Variants in BLM observed in about 807,000 individuals in gnomAD.
BLM encodes BLM RecQ like helicase.
In BLM, 95 loss-of-function variants were observed where a neutral mutation model predicts 135.3. That is an observed-to-expected ratio of 0.70 (90% CI 0.59 to 0.83). The LOEUF is 0.83. Among genes scored for constraint, BLM ranks in the 40% least tolerant of loss-of-function variants. The pLI, the probability that BLM is intolerant of heterozygous loss-of-function variation, is 0.00. For missense variants in BLM, 1,518 were observed against 1,663.9 expected, an observed-to-expected ratio of 0.91 and a Z score of 1.53; for synonymous variants, 520 against 589.2, an observed-to-expected ratio of 0.88 and a Z score of 1.70.
intron 12 of BLM, 120 bp downstream of exon 12, chr15:90,769,706 C>A: frequency 1.6e-6 from 2 of 1,250,648 alleles, no homozygotes; most frequent in Non-Finnish European, 2.3e-6. Context: ...CACCCCCATG[C>A]CCAAGTTGTA....
intron 21 of BLM, among the ~76,000 whole-genome samples, chr15:90,812,726 A>AG (rs1448622645): frequency 6.6e-6 from 1 of 152,232 alleles, no homozygotes; most frequent in Non-Finnish European, 1.5e-5. Context: ...GTAATAAAAA[A>AG]CAAGAACTGA....
In BLM at chr15:90,803,505, T is replaced by C; in HGVS notation, c.3359-16T>C. The C allele has an allele frequency of 6.2e-7, 1 of 1,606,498 alleles. No individual in the cohort carries two copies. The highest frequency in any genetic ancestry group is 8.5e-7 in the Non-Finnish European group (1 of 1,173,170). Reference sequence around the variant, plus strand: ...ACGTACATTTACTCATCTTACTTCCTGTATCTTCTTATCAGGGAGTAAGAG... The same window carrying C: ...ACGTACATTTACTCATCTTACTTCCCGTATCTTCTTATCAGGGAGTAAGAG... On this transcript the variant is annotated splice_polypyrimidine_tract_variant and intron_variant, in intron 17 of 21. Transcript: ENST00000355112.
intron 12 of BLM, among the ~76,000 whole-genome samples, chr15:90,774,066 C>CTTTT (rs61323062): frequency 1.2e-4 from 9 of 76,896 alleles, no homozygotes; most frequent in African/African-American, 1.8e-4. Flanking sequence ...GTGCCTCCGT[C>CTTTT]TTTTTTTTTT....
At chr15:90,743,856 G>T (rs1483110230) in intron 1 of BLM, among the ~76,000 whole-genome samples, 1 of 152,176 alleles carries the variant, frequency 6.6e-6, no homozygotes, top group East Asian at 1.9e-4. Context: ...TTCAGAATAT[G>T]ATTCTGGCTG....
intron 17 of BLM, among the ~76,000 whole-genome samples, chr15:90,800,248 A>G (rs551287210): frequency 6.6e-6 from 1 of 152,348 alleles, no homozygotes; most frequent in East Asian, 1.9e-4. Context: ...TAATATCAGC[A>G]ATCCTGGAGA....
intron 12 of BLM, among the ~76,000 whole-genome samples, chr15:90,772,706 G>A (rs1817643471): frequency 6.6e-6 from 1 of 152,184 alleles, no homozygotes; most frequent in South Asian, 2.1e-4. Context: ...AGGAACTGAA[G>A]AAGACAAGAT....
At chr15:90,804,645 C>T (rs544026804) in intron 19 of BLM, among the ~76,000 whole-genome samples, 11 of 151,938 alleles carry the variant, frequency 7.2e-5, no homozygotes, top group African/African-American at 2.2e-4. Flanking sequence ...TGTATTTTTT[C>T]GTAGAGACAG....
chr15:90,757,913 G>A (rs1215737430), intron 5 of BLM, among the ~76,000 whole-genome samples: 2 of 134,336 alleles, frequency 1.5e-5, no homozygotes, highest in Non-Finnish European at 3.1e-5. Context: ...TTTTTTTCTC[G>A]CTCTGTCACC....
chr15:90,784,989 G>A lies in BLM; in HGVS notation c.2731G>A (p.Asp911Asn). ...CACCATGGCTGACACGTTACAGAGA[G>A]ATGGGCTCGCTGCTCTTGCTTACCA... Reference protein sequence around the residue: ...CDTMADTLQRDGLAALAYHAG... With the variant: ...CDTMADTLQRNGLAALAYHAG... The change falls in exon 14 of 22, where the codon GAT becomes AAT. Residue 911 changes from aspartate (D) to asparagine (N), a missense_variant. Around this residue, in one of 5 missense-constraint regions of BLM, gnomAD observed 626 missense variants for 681.1 expected, o/e 0.92. Coordinates refer to ENST00000355112, the MANE Select transcript of BLM (RefSeq NM_000057.4). 6.2e-7 allele frequency: 1 copy of A among 1,614,168 alleles called. No individual in the cohort carries two copies. The highest frequency in any genetic ancestry group is 8.5e-7 in the Non-Finnish European group (1 of 1,180,032).
At chr15:90,738,847 G>T (rs1895289641) in intron 1 of BLM, among the ~76,000 whole-genome samples, 1 of 152,206 alleles carries the variant, frequency 6.6e-6, no homozygotes, top group Non-Finnish European at 1.5e-5. Flanking sequence ...AAATTAGGAT[G>T]TGGAAAAATG....
chr15:90,763,234 G>A (rs1426663184), intron 8 of BLM, 77 bp downstream of exon 8: 8 of 1,446,064 alleles, frequency 5.5e-6, no homozygotes, highest in Non-Finnish European at 7.8e-6. Flanking sequence ...GAAATAAAAA[G>A]ACCACCTACA....
At chr15:90,809,067 G>A in intron 19 of BLM, 70 bp from the exon 20 acceptor site, 1 of 1,599,546 alleles carries the variant, frequency 6.3e-7, no homozygotes, top group Non-Finnish European at 8.6e-7. Context: ...CTGAATGCGT[G>A]AATGAGCCTG....
At chr15:90,794,772 A>G (rs917562747) in intron 16 of BLM, among the ~76,000 whole-genome samples, 8 of 148,014 alleles carry the variant, frequency 5.4e-5, no homozygotes, top group South Asian at 4.2e-4. Context: ...AAATTGACGT[A>G]TTAATATTTA....
rs28364259 is a variant in BLM, at chr15:90,739,655, A to T, written c.-4-7734A>T. Among the ~76,000 whole-genome samples, 217 of 152,358 alleles carry T rather than the reference A, an allele frequency of 1.4e-3. 2 individuals carry two copies. The highest frequency in any genetic ancestry group is 0.013 in the Admixed American group (205 of 15,296). ...CCACTTACAGTGTGAATACATTATG[A>T]TTCCCATACTGTATGAGTCTGCTGA... On this transcript the variant is annotated intron_variant, in intron 1 of 21. Transcript: ENST00000355112.
chr15:90,808,273 A>C (rs1897325771), intron 19 of BLM, among the ~76,000 whole-genome samples: 1 of 152,306 alleles, frequency 6.6e-6, no homozygotes, highest in East Asian at 1.9e-4. Flanking sequence ...TCCTCTAAAC[A>C]TGGGAATGAT....
chr15:90,788,930 G>C (rs771416614), intron 14 of BLM, among the ~76,000 whole-genome samples: 9 of 147,480 alleles, frequency 6.1e-5, no homozygotes, highest in African/African-American at 2.3e-4. Context: ...CCAAAATCAC[G>C]CCACTGCATT....
intron 1 of BLM, among the ~76,000 whole-genome samples, chr15:90,731,576 T>C (rs2151132947): frequency 6.6e-6 from 1 of 152,280 alleles, no homozygotes; most frequent in South Asian, 2.1e-4. Flanking sequence ...AGGTTTTCTG[T>C]TTATTTTTGA....
intron 12 of BLM, among the ~76,000 whole-genome samples, chr15:90,779,613 A>G (rs1042215987): frequency 6.6e-6 from 1 of 152,214 alleles, no homozygotes; most frequent in Admixed American, 6.5e-5. Context: ...TTGCAAAGAA[A>G]TGCTGTCATA....
intron 9 of BLM, among the ~76,000 whole-genome samples, chr15:90,765,982 A>C (rs1194460457): frequency 6.6e-6 from 1 of 152,074 alleles, no homozygotes; most frequent in East Asian, 1.9e-4. Flanking sequence ...GGTGGTGAAA[A>C]CCTGTGGTCC....
Sources: allele counts gnomAD v4.1 joint callset (sites outside exome capture counted in the v4.1 genomes callset), GRCh38; gene constraint gnomAD v4.1.1; regional missense constraint gnomAD v4.1.1; transcripts MANE v1.5; gene names NCBI Gene and HGNC (gene_info 2026-07-23, HGNC 2026-07-21).